Variants in CAMK1D observed in about 807,000 individuals in gnomAD.
CAMK1D encodes calcium/calmodulin-dependent protein kinase type 1D.
A neutral mutation model predicts 47.7 loss-of-function variants in CAMK1D; 9 were observed. The observed-to-expected ratio is 0.19, with a 90% CI of 0.11 to 0.33. The LOEUF (loss-of-function observed/expected upper bound fraction) is 0.33, where lower values mean the gene tolerates loss of function less well. Among genes scored for constraint, CAMK1D ranks in the 10% least tolerant of loss-of-function variants. The probability of loss-of-function intolerance (pLI) is 1.00; values close to 1 mark genes in which losing one functional copy is unlikely to be tolerated. For missense variants in CAMK1D, 291 were observed against 488.7 expected (o/e 0.60, Z 3.81); for synonymous variants, 184 against 184.9 (o/e 0.99, Z 0.04).
intron 3 of CAMK1D, among the ~76,000 whole-genome samples, chr10:12,738,344 G>C (rs1047845995): frequency 1.3e-5 from 2 of 152,128 alleles, no homozygotes; most frequent in Non-Finnish European, 2.9e-5. Context: ...AAAATAAAGC[G>C]AATGGATTCT....
intron 1 of CAMK1D, among the ~76,000 whole-genome samples, chr10:12,514,848 G>GTTTTA (rs55903848): frequency 0.094 from 14,315 of 151,820 alleles, 877 homozygotes; most frequent in East Asian, 0.36. Flanking sequence ...ATTTTATTGT[G>GTTTTA]TTTTATTTTA....
intron 3 of CAMK1D, among the ~76,000 whole-genome samples, chr10:12,714,426 A>G (rs1363811582): frequency 6.6e-6 from 1 of 151,964 alleles, no homozygotes; most frequent in Non-Finnish European, 1.5e-5. Flanking sequence ...ATATTTATAA[A>G]TAGGTGCATT....
intron 1 of CAMK1D, among the ~76,000 whole-genome samples, chr10:12,526,731 A>G (rs1835633753): frequency 6.6e-6 from 1 of 152,022 alleles, no homozygotes. Flanking sequence ...CAGCCTGGGC[A>G]ATGTGGCGAA....
chr10:12,598,531 TC>T (rs1302826390), intron 2 of CAMK1D, among the ~76,000 whole-genome samples: 1 of 152,214 alleles, frequency 6.6e-6, no homozygotes, highest in African/African-American at 2.4e-5. Flanking sequence ...GAAATCTGTT[TC>T]GGGTCACACC....
chr10:12,613,224 A>G (rs115628991), intron 2 of CAMK1D, among the ~76,000 whole-genome samples: 228 of 152,286 alleles, frequency 1.5e-3, no homozygotes, highest in African/African-American at 5.2e-3. Flanking sequence ...AAGTTTAGGA[A>G]TGCATATCCA....
At chr10:12,687,863 T>G (rs565410943) in intron 3 of CAMK1D, among the ~76,000 whole-genome samples, 9 of 152,350 alleles carry the variant, frequency 5.9e-5, no homozygotes, top group Admixed American at 2.6e-4. Flanking sequence ...ATATACCTCC[T>G]GTTCCTTCCT....
intron 1 of CAMK1D, among the ~76,000 whole-genome samples, chr10:12,515,003 A>G (rs909132272): frequency 1.3e-5 from 2 of 149,720 alleles, no homozygotes; most frequent in African/African-American, 4.9e-5. Context: ...GGTGTGCACC[A>G]CCACACCTGG....
chr10:12,383,597 C>T (rs761277735), intron 1 of CAMK1D, among the ~76,000 whole-genome samples: 3 of 152,120 alleles, frequency 2.0e-5, no homozygotes, highest in Non-Finnish European at 4.4e-5. Context: ...CTAGTACAAG[C>T]ATAAAGAATA....
chr10:12,772,641 C>T (rs1241157381), intron 5 of CAMK1D, among the ~76,000 whole-genome samples: 2 of 152,266 alleles, frequency 1.3e-5, no homozygotes, highest in East Asian at 1.9e-4. Flanking sequence ...CTGGCACTGA[C>T]GTGTCGGGAA....
intron 1 of CAMK1D, among the ~76,000 whole-genome samples, chr10:12,449,356 A>G (rs994438593): frequency 3.3e-5 from 5 of 151,968 alleles, no homozygotes; most frequent in Non-Finnish European, 7.4e-5. Flanking sequence ...CATGTTGAAA[A>G]CAGCCTTGGC....
intron 1 of CAMK1D, among the ~76,000 whole-genome samples, chr10:12,356,158 G>C (rs1439856041): frequency 6.6e-6 from 1 of 151,576 alleles, no homozygotes; most frequent in African/African-American, 2.4e-5. Context: ...AAATCTGCCC[G>C]CCCCCACCTC....
chr10:12,530,459 A>G (rs1366188371), intron 1 of CAMK1D, among the ~76,000 whole-genome samples: 1 of 152,194 alleles, frequency 6.6e-6, no homozygotes, highest in Non-Finnish European at 1.5e-5. Flanking sequence ...CAGGTCTGAC[A>G]GTTGGTGATC....
At chr10:12,450,719 A>G (rs1833058901) in intron 1 of CAMK1D, among the ~76,000 whole-genome samples, 1 of 152,210 alleles carries the variant, frequency 6.6e-6, no homozygotes, top group South Asian at 2.1e-4. Flanking sequence ...ATTTCGAGTT[A>G]CAGTGAGGAC....
chr10:12,640,778 C>T (rs1287743945), intron 2 of CAMK1D, among the ~76,000 whole-genome samples: 1 of 152,156 alleles, frequency 6.6e-6, no homozygotes, highest in Non-Finnish European at 1.5e-5. Flanking sequence ...GGAGGCCTGC[C>T]TCAGCCTTTA....
chr10:12,663,103 G>GCTAATTTATTGGGGTCC (rs1265269853), intron 2 of CAMK1D, among the ~76,000 whole-genome samples: 2 of 151,766 alleles, frequency 1.3e-5, no homozygotes, highest in East Asian at 2.0e-4. Flanking sequence ...TGGGATTACA[G>GCTAATTTATTGGGGTCC]GCACATGCCG....
chr10:12,701,553 A>T (rs1289593610), intron 3 of CAMK1D, among the ~76,000 whole-genome samples: 1 of 151,998 alleles, frequency 6.6e-6, no homozygotes, highest in East Asian at 1.9e-4. Flanking sequence ...TTTCAGTTCG[A>T]TTTTGTTTAA....
chr10:12,457,822 A>G (rs994083331), intron 1 of CAMK1D, among the ~76,000 whole-genome samples: 6 of 151,636 alleles, frequency 4.0e-5, no homozygotes, highest in African/African-American at 1.5e-4. Flanking sequence ...ATACGAACAT[A>G]TGTATGTGAA....
intron 5 of CAMK1D, among the ~76,000 whole-genome samples, chr10:12,778,498 A>G (rs756022048): frequency 6.6e-6 from 1 of 152,194 alleles, no homozygotes; most frequent in Non-Finnish European, 1.5e-5. Flanking sequence ...TGGCTCTGCT[A>G]ACACCAACAG....
At chr10:12,420,516 T>C (rs1840014926) in intron 1 of CAMK1D, among the ~76,000 whole-genome samples, 1 of 152,206 alleles carries the variant, frequency 6.6e-6, no homozygotes, top group Non-Finnish European at 1.5e-5. Context: ...TTAACCCTTA[T>C]TGATTTGTTT....
Sources: allele counts gnomAD v4.1 joint callset (sites outside exome capture counted in the v4.1 genomes callset), GRCh38; gene constraint gnomAD v4.1.1; transcripts MANE v1.5; gene names NCBI Gene and HGNC (gene_info 2026-07-23, HGNC 2026-07-21).